The following DIP2C variants were observed in gnomAD, a reference collection of about 807,000 sequenced individuals.
DIP2C encodes the protein DIP2 acetate--CoA ligase C (putative).
A neutral mutation model predicts 192.4 loss-of-function variants in DIP2C; 33 were observed. That is an observed-to-expected ratio of 0.17 (90% CI 0.13 to 0.23). DIP2C has a LOEUF of 0.23. Among genes scored for constraint, DIP2C ranks in the 10% least tolerant of loss-of-function variants. The pLI is 1.00. For synonymous variants in DIP2C, 979 were observed against 864.1 expected, an observed-to-expected ratio of 1.13 and a Z score of -2.33; for missense variants, 1,537 against 2,110.1, an observed-to-expected ratio of 0.73 and a Z score of 5.32.
intron 28 of DIP2C, among the ~76,000 whole-genome samples, chr10:343,985 G>A (rs1048009534): frequency 1.3e-5 from 2 of 152,176 alleles, no homozygotes; most frequent in Non-Finnish European, 2.9e-5. Flanking sequence ...CAAAGCCAGC[G>A]GGGCCTTTGC....
chr10:503,688 C>T (rs985378748), intron 1 of DIP2C, among the ~76,000 whole-genome samples: 3 of 152,174 alleles, frequency 2.0e-5, no homozygotes, highest in African/African-American at 7.2e-5. Flanking sequence ...TCGGCTCTTA[C>T]CCCTCTGCTG....
chr10:605,022 A>G (rs1040348299), intron 1 of DIP2C, among the ~76,000 whole-genome samples: 2 of 152,210 alleles, frequency 1.3e-5, no homozygotes, highest in Non-Finnish European at 2.9e-5. Flanking sequence ...AAAGCTTCAG[A>G]AGACTATAAA....
At chr10:662,770 G>C in intron 1 of DIP2C, 1 of 682,704 alleles carries the variant, frequency 1.5e-6, no homozygotes, top group South Asian at 1.6e-5. Flanking sequence ...TATTTCTCTT[G>C]TGTTGCCTAT....
At chr10:486,089 T>C (rs186079322) in intron 2 of DIP2C, among the ~76,000 whole-genome samples, 1 of 152,382 alleles carries the variant, frequency 6.6e-6, no homozygotes, top group African/African-American at 2.4e-5. Context: ...AGATTTGGCC[T>C]GTGCCACCAA....
chr10:639,910 G>A (rs529222847), intron 1 of DIP2C, among the ~76,000 whole-genome samples: 2 of 151,990 alleles, frequency 1.3e-5, no homozygotes, highest in East Asian at 1.9e-4. Flanking sequence ...TCCCCCGCCC[G>A]GCCTGTATCC....
chr10:502,890 A>G (rs1845337805), intron 1 of DIP2C, among the ~76,000 whole-genome samples: 1 of 152,152 alleles, frequency 6.6e-6, no homozygotes, highest in African/African-American at 2.4e-5. Flanking sequence ...AATTCTCTCC[A>G]CGTTGACCAA....
intron 1 of DIP2C, among the ~76,000 whole-genome samples, chr10:603,492 G>A (rs1852244828): frequency 6.6e-6 from 1 of 151,904 alleles, no homozygotes; most frequent in Non-Finnish European, 1.5e-5. Flanking sequence ...ACTCCCCCAG[G>A]AGCTCTGAAC....
At chr10:558,785 TTTAAG>T (rs920389935) in intron 1 of DIP2C, among the ~76,000 whole-genome samples, 2 of 152,138 alleles carry the variant, frequency 1.3e-5, no homozygotes, top group African/African-American at 2.4e-5. Flanking sequence ...TATTGATTAT[TTTAAG>T]TTAACAGAGG....
chr10:415,720 G>C, intron 7 of DIP2C, 49 bp downstream of exon 7: 1 of 1,596,876 alleles, frequency 6.3e-7, no homozygotes, highest in Non-Finnish European at 8.5e-7. Flanking sequence ...CATTGTTTAC[G>C]GGACCATAGG....
At chr10:441,818 T>G (rs1223314890) in intron 3 of DIP2C, among the ~76,000 whole-genome samples, 1 of 152,208 alleles carries the variant, frequency 6.6e-6, no homozygotes, top group Non-Finnish European at 1.5e-5. Flanking sequence ...TCCATTACAT[T>G]AATTCCACAC....
chr10:625,593 CG>C (rs1001585670), intron 1 of DIP2C, among the ~76,000 whole-genome samples: 24 of 152,082 alleles, frequency 1.6e-4, no homozygotes, highest in Admixed American at 6.5e-5. Context: ...AGAGCAGGCT[CG>C]GGGAAGGACA....
At chr10:559,707 G>A (rs1207693930) in intron 1 of DIP2C, among the ~76,000 whole-genome samples, 2 of 152,136 alleles carry the variant, frequency 1.3e-5, no homozygotes, top group African/African-American at 4.8e-5. Context: ...GGGTCACACA[G>A]CAGCTGTGCA....
chr10:626,116 G>A (rs118161052), intron 1 of DIP2C, among the ~76,000 whole-genome samples: 7 of 152,316 alleles, frequency 4.6e-5, no homozygotes, highest in African/African-American at 1.2e-4. Context: ...CATGGACCAC[G>A]ACAAAAGAAA....
intron 8 of DIP2C, among the ~76,000 whole-genome samples, chr10:410,622 A>G (rs997525776): frequency 1.3e-5 from 2 of 152,238 alleles, no homozygotes; most frequent in Non-Finnish European, 2.9e-5. Context: ...AAACAATTAC[A>G]ATCAATTCTT....
chr10:577,036 A>G (rs781229338), intron 1 of DIP2C, among the ~76,000 whole-genome samples: 8 of 152,202 alleles, frequency 5.3e-5, no homozygotes, highest in Non-Finnish European at 1.0e-4. Flanking sequence ...CTTCGTTACA[A>G]TCTTGTATAT....
chr10:566,161 GTGTC>G (rs1849456947), intron 1 of DIP2C, among the ~76,000 whole-genome samples: 1 of 152,242 alleles, frequency 6.6e-6, no homozygotes, highest in Non-Finnish European at 1.5e-5. Flanking sequence ...ACATTTTAGA[GTGTC>G]TGAAGAAACA....
intron 1 of DIP2C, among the ~76,000 whole-genome samples, chr10:615,482 C>A (rs148048397): frequency 6.6e-6 from 1 of 152,144 alleles, no homozygotes; most frequent in African/African-American, 2.4e-5. Context: ...CAGTCACTCA[C>A]CCTCAATGCA....
At chr10:484,743 C>G (rs1843874784) in intron 2 of DIP2C, 2 of 1,600,322 alleles carry the variant, frequency 1.2e-6, no homozygotes, top group South Asian at 1.1e-5. Context: ...TAATGTGTAC[C>G]CTGCTGTGGG....
At chr10:479,418 C>A (rs6560846) in intron 2 of DIP2C, among the ~76,000 whole-genome samples, 124,556 of 149,482 alleles carry the variant, frequency 0.83, 55,119 homozygotes, top group Non-Finnish European at 0.97. Flanking sequence ...ACTGCAACAT[C>A]TGCCTCCCAG....
Sources: allele counts gnomAD v4.1 joint callset (sites outside exome capture counted in the v4.1 genomes callset), GRCh38; gene constraint gnomAD v4.1.1; transcripts MANE v1.5; gene names NCBI Gene and HGNC (gene_info 2026-07-23, HGNC 2026-07-21).